IMMP2L: variants seen among roughly 807,000 people sequenced by gnomAD.
The protein encoded by IMMP2L is mitochondrial inner membrane protease subunit 2.
Under a neutral mutation model 19.3 loss-of-function variants are expected in IMMP2L, and 18 were observed. The ratio of observed to expected loss-of-function variants is 0.93; its 90% CI spans 0.64 to 1.38. The LOEUF is 1.38. IMMP2L is among the 40% of genes most tolerant of loss of function. The pLI is 0.00. For missense variants in IMMP2L, 233 were observed against 218.2 expected (o/e 1.07, Z -0.43); for synonymous variants, 76 against 73.0 (o/e 1.04, Z -0.21).
chr7:110,861,453 G>T (rs1414522259), intron 5 of IMMP2L, among the ~76,000 whole-genome samples: 4 of 151,844 alleles, frequency 2.6e-5, no homozygotes, highest in African/African-American at 9.7e-5. Context: ...TTTTTGTAGA[G>T]ATGAGATTTC....
chr7:110,762,721 AG>A (rs1798424577), intron 5 of IMMP2L, among the ~76,000 whole-genome samples: 1 of 152,160 alleles, frequency 6.6e-6, no homozygotes, highest in Admixed American at 6.6e-5. Flanking sequence ...TGCTGAACTG[AG>A]TTAATGTCCA....
At chr7:110,921,335 C>G (rs1585274611) in intron 4 of IMMP2L, among the ~76,000 whole-genome samples, 1 of 152,288 alleles carries the variant, frequency 6.6e-6, no homozygotes, top group African/African-American at 2.4e-5. Context: ...ACAGTGGCAT[C>G]TATAAATTCC....
chr7:111,020,704 G>C (rs1016085060), intron 3 of IMMP2L, among the ~76,000 whole-genome samples: 4 of 152,134 alleles, frequency 2.6e-5, no homozygotes, highest in African/African-American at 9.7e-5. Context: ...CAAGGTTGTA[G>C]TGAGCTGAGA....
At chr7:111,243,627 T>C (rs189916898) in intron 3 of IMMP2L, among the ~76,000 whole-genome samples, 2,849 of 122,134 alleles carry the variant, frequency 0.023, 129 homozygotes, top group African/African-American at 0.086. Flanking sequence ...TAATGTGTCA[T>C]CTAGCATTAG....
At chr7:111,268,487 T>TAA (rs927826185) in intron 3 of IMMP2L, among the ~76,000 whole-genome samples, 136 of 62,368 alleles carry the variant, frequency 2.2e-3, no homozygotes, top group African/African-American at 6.1e-3. Context: ...GTTTATCTAA[T>TAA]AAAAAAAAAA....
chr7:111,163,866 A>T (rs560221773), intron 3 of IMMP2L, among the ~76,000 whole-genome samples: 2 of 152,068 alleles, frequency 1.3e-5, no homozygotes, highest in East Asian at 1.9e-4. Context: ...CTCAGGGGAG[A>T]CTAGGCTGTT....
At chr7:111,367,917 C>T (rs985878194) in intron 3 of IMMP2L, among the ~76,000 whole-genome samples, 5 of 151,466 alleles carry the variant, frequency 3.3e-5, no homozygotes, top group East Asian at 1.9e-4. Flanking sequence ...GAGCAACAAA[C>T]GCTGTACATA....
intron 3 of IMMP2L, among the ~76,000 whole-genome samples, chr7:111,198,723 T>C (rs763483576): frequency 2.1e-4 from 32 of 152,150 alleles, no homozygotes; most frequent in Non-Finnish European, 7.3e-5. Context: ...TATGAAGCAT[T>C]TTTCCCAATT....
chr7:110,816,456 G>A (rs1440863907), intron 5 of IMMP2L, among the ~76,000 whole-genome samples: 1 of 109,388 alleles, frequency 9.1e-6, no homozygotes, highest in African/African-American at 2.7e-5. Flanking sequence ...ATTTGGGGTG[G>A]AGAGTTCTGT....
rs566431388 is a variant in IMMP2L, at chr7:111,207,358, C to T, written c.240-243793G>A. On this transcript the variant is annotated intron_variant, in intron 3 of 5. Transcript: ENST00000405709. ...TAGCCATAAAGCACTTACTGCAATT[C>T]CTAGAATAATGTAAGAGCTCAATTA... 2.0e-5 allele frequency among the ~76,000 whole-genome samples: 3 copies of T among 152,192 alleles called. No individual in the cohort carries two copies. The East Asian group carries it at 5.8e-4, about 29-fold the overall frequency.
chr7:110,987,736 A>G (rs1585607789), intron 3 of IMMP2L, among the ~76,000 whole-genome samples: 1 of 152,228 alleles, frequency 6.6e-6, no homozygotes, highest in Non-Finnish European at 1.5e-5. Flanking sequence ...CTTTAAGAAC[A>G]GAATATCTTT....
chr7:111,148,244 G>A (rs751805280), intron 3 of IMMP2L, among the ~76,000 whole-genome samples: 13 of 152,036 alleles, frequency 8.6e-5, no homozygotes, highest in Non-Finnish European at 1.8e-4. Context: ...CTAACTGAAA[G>A]AATCCACTCA....
chr7:110,976,274 T>G (rs1820688694), intron 3 of IMMP2L, among the ~76,000 whole-genome samples: 1 of 152,104 alleles, frequency 6.6e-6, no homozygotes, highest in African/African-American at 2.4e-5. Context: ...AAGTATTTGA[T>G]GATGATTAGA....
intron 3 of IMMP2L, among the ~76,000 whole-genome samples, chr7:111,274,893 T>C (rs1818851160): frequency 6.6e-6 from 1 of 152,138 alleles, no homozygotes; most frequent in Non-Finnish European, 1.5e-5. Flanking sequence ...CATGAAAAGA[T>C]ACCAGCATTC....
chr7:111,358,353 C>A (rs1330872723), intron 3 of IMMP2L, among the ~76,000 whole-genome samples: 1 of 151,658 alleles, frequency 6.6e-6, no homozygotes, highest in African/African-American at 2.4e-5. Flanking sequence ...ATGAAAGCAT[C>A]TTTTGCCATC....
intron 3 of IMMP2L, among the ~76,000 whole-genome samples, chr7:111,096,368 T>C (rs1052643528): frequency 2.0e-5 from 3 of 151,910 alleles, no homozygotes; most frequent in African/African-American, 7.2e-5. Context: ...TCCCTTTTTA[T>C]GGAACTTCCA....
At chr7:111,469,801 G>C (rs1034384445) in intron 3 of IMMP2L, among the ~76,000 whole-genome samples, 1 of 152,042 alleles carries the variant, frequency 6.6e-6, no homozygotes, top group South Asian at 2.1e-4. Flanking sequence ...TACCATTCAG[G>C]ACATAGGCAT....
At chr7:111,422,056 G>A (rs1835610471) in intron 3 of IMMP2L, among the ~76,000 whole-genome samples, 1 of 151,738 alleles carries the variant, frequency 6.6e-6, no homozygotes, top group Admixed American at 6.6e-5. Flanking sequence ...TTATTTCTGA[G>A]CCCTCTGTTC....
chr7:110,852,923 C>T (rs907342701), intron 5 of IMMP2L, among the ~76,000 whole-genome samples: 1 of 152,024 alleles, frequency 6.6e-6, no homozygotes, highest in Non-Finnish European at 1.5e-5. Context: ...CCAGATGATA[C>T]AAAAGTGGAG....
Sources: gnomAD v4.1 joint callset for allele counts (sites outside exome capture counted in the v4.1 genomes callset) on GRCh38, gnomAD v4.1.1 for gene constraint, MANE v1.5 for transcripts, NCBI Gene and HGNC (gene_info 2026-07-23, HGNC 2026-07-21) for gene names.